The following CLOCK variants were observed in gnomAD, a reference collection of about 807,000 sequenced individuals.
The protein encoded by CLOCK is circadian locomoter output cycles protein kaput.
In CLOCK, 43 loss-of-function variants were observed where a neutral mutation model predicts 118.4. The observed-to-expected ratio is 0.36, with a 90% CI of 0.28 to 0.47. CLOCK has a LOEUF of 0.47. Ranked by LOEUF, CLOCK falls within the 20% of genes least tolerant of loss-of-function variation. The pLI, the probability that CLOCK is intolerant of heterozygous loss-of-function variation, is 1.00. For missense variants in CLOCK, 846 were observed against 999.9 expected, an observed-to-expected ratio of 0.85 and a Z score of 2.08; for synonymous variants, 326 against 339.2, an observed-to-expected ratio of 0.96 and a Z score of 0.43.
At chr4:55,459,612 C>T (rs886785955) in intron 9 of CLOCK, among the ~76,000 whole-genome samples, 2 of 152,104 alleles carry the variant, frequency 1.3e-5, no homozygotes, top group Non-Finnish European at 2.9e-5. Context: ...CTCTAGGACC[C>T]GGGCCACATC....
intron 1 of CLOCK, among the ~76,000 whole-genome samples, chr4:55,520,220 A>G (rs1306351250): frequency 6.6e-6 from 1 of 152,190 alleles, no homozygotes; most frequent in Admixed American, 6.5e-5. Flanking sequence ...AAGGCCACCA[A>G]CAAAAACAAC....
chr4:55,501,949 C>T (rs1443912826), intron 2 of CLOCK, among the ~76,000 whole-genome samples: 8 of 152,126 alleles, frequency 5.3e-5, no homozygotes, highest in African/African-American at 1.7e-4. Flanking sequence ...TTTGTATAAA[C>T]TACAAGGGCT....
intron 5 of CLOCK, 111 bp downstream of exon 5, chr4:55,479,529 T>G: frequency 1.1e-6 from 1 of 875,180 alleles, no homozygotes; most frequent in East Asian, 2.7e-5. Context: ...TGCTAATATA[T>G]CTAAACTCCT....
At chr4:55,532,868 C>CG (rs936962383) in intron 1 of CLOCK, among the ~76,000 whole-genome samples, 9 of 151,066 alleles carry the variant, frequency 6.0e-5, no homozygotes, top group Admixed American at 6.6e-5. Context: ...GGGGTCGGGT[C>CG]GGGGGGGTAG....
At chr4:55,484,193 T>G (rs922116255) in intron 3 of CLOCK, among the ~76,000 whole-genome samples, 1 of 151,840 alleles carries the variant, frequency 6.6e-6, no homozygotes, top group Non-Finnish European at 1.5e-5. Context: ...GAATATTTTT[T>G]TTTCTTTTTG....
At chr4:55,456,334 T>C (rs1316345527) in intron 11 of CLOCK, 34 bp from the exon 12 acceptor site, 1 of 1,340,084 alleles carries the variant, frequency 7.5e-7, no homozygotes, top group African/African-American at 1.5e-5. Context: ...ATAAATACTT[T>C]GTGTCCTTAA....
intron 2 of CLOCK, among the ~76,000 whole-genome samples, chr4:55,504,760 T>C (rs577570110): frequency 3.9e-5 from 6 of 152,328 alleles, no homozygotes; most frequent in African/African-American, 1.4e-4. Flanking sequence ...ATACTGCTAA[T>C]ATAAAGAGCT....
At chr4:55,486,542 A>G (rs889741072) in intron 3 of CLOCK, 2 of 152,120 alleles carry the variant, frequency 1.3e-5, no homozygotes, top group South Asian at 2.1e-4. Context: ...AATTCCTCCA[A>G]TAACTGCCTA....
At chr4:55,492,365 A>AAAAAAC (rs1553898600) in intron 2 of CLOCK, among the ~76,000 whole-genome samples, 2 of 151,824 alleles carry the variant, frequency 1.3e-5, no homozygotes, top group Non-Finnish European at 2.9e-5. Flanking sequence ...GATAAAAAAA[A>AAAAAAC]AAAACGCCAT....
At chr4:55,467,999 T>C (rs541546595) in intron 8 of CLOCK, among the ~76,000 whole-genome samples, 16 of 152,326 alleles carry the variant, frequency 1.1e-4, no homozygotes, top group African/African-American at 3.4e-4. Flanking sequence ...CTAAAATCCA[T>C]TGATTCTCTT....
At position 55,453,805 on chromosome 4, in the gene CLOCK, G is replaced by C. The variant is rs1724680873; in HGVS notation, c.1002C>G (p.Gly334=). 2 of 1,606,148 alleles carry C rather than the reference G, an allele frequency of 1.2e-6. No homozygotes were observed. The highest frequency in any genetic ancestry group is 1.1e-5 in the South Asian group (1 of 88,824). The change falls in exon 14 of 23, where the codon GGC becomes GGG. Residue 334 remains glycine (G), a synonymous_variant. Coordinates refer to ENST00000513440, the MANE Select transcript of CLOCK (RefSeq NM_004898.4). ...TCAGGAACCTATAATAACATGATTT[G>C]CCTTTCCCATATTGCATTACTAAAA... ...CHEHLMQYGK[G]KSCYYRFLTK...
chr4:55,442,307 G>A, intron 21 of CLOCK, 125 bp downstream of exon 21: 1 of 804,730 alleles, frequency 1.2e-6, no homozygotes, highest in Non-Finnish European at 2.0e-6. Flanking sequence ...TCAAATTTAA[G>A]AACATTGGCT....
At chr4:55,529,950 G>A (rs766411672) in intron 1 of CLOCK, among the ~76,000 whole-genome samples, 3 of 152,000 alleles carry the variant, frequency 2.0e-5, no homozygotes, top group Non-Finnish European at 2.9e-5. Flanking sequence ...TCAAAATACA[G>A]AATAAAAAAG....
intron 13 of CLOCK, among the ~76,000 whole-genome samples, chr4:55,454,377 A>G: frequency 6.6e-6 from 1 of 151,988 alleles, no homozygotes; most frequent in Non-Finnish European, 1.5e-5. Context: ...TACTTTAGGA[A>G]GCAGAGGTGG....
At chr4:55,493,795 T>A (rs762683367) in intron 2 of CLOCK, among the ~76,000 whole-genome samples, 25 of 152,240 alleles carry the variant, frequency 1.6e-4, no homozygotes, top group Admixed American at 3.9e-4. Context: ...CCTGTAAGAA[T>A]AAGAACCACA....
intron 8 of CLOCK, among the ~76,000 whole-genome samples, chr4:55,464,870 A>G (rs1473000470): frequency 6.6e-6 from 1 of 152,104 alleles, no homozygotes; most frequent in East Asian, 1.9e-4. Flanking sequence ...TATTCTTCAT[A>G]TAGGCCACAC....
chr4:55,477,985 T>C (rs781732484), intron 6 of CLOCK, among the ~76,000 whole-genome samples: 5 of 152,048 alleles, frequency 3.3e-5, no homozygotes, highest in Non-Finnish European at 7.4e-5. Context: ...TTAGTGAAAT[T>C]AACAAAAACA....
rs146317904 is a variant in CLOCK, at chr4:55,484,396, T to C, written c.-43-1568A>G. ...AGAAAATGAGTGACAGAGTCAAAGA[T>C]AGAAATAATAAAATAAAAAGGACTA... On this transcript the variant is annotated intron_variant, in intron 3 of 22. Transcript: ENST00000513440. Among the ~76,000 whole-genome samples, 5 of 152,078 alleles carry C rather than the reference T, an allele frequency of 3.3e-5. No homozygotes were observed. In the East Asian group the frequency reaches 9.7e-4, roughly 29 times the overall value.
intron 1 of CLOCK, among the ~76,000 whole-genome samples, chr4:55,526,968 A>G (rs1280915132): frequency 6.8e-6 from 1 of 146,882 alleles, no homozygotes; most frequent in African/African-American, 2.5e-5. Context: ...AAAAAGCTCT[A>G]AAAACTCCGT....
Sources: allele counts gnomAD v4.1 joint callset (sites outside exome capture counted in the v4.1 genomes callset), GRCh38; gene constraint gnomAD v4.1.1; transcripts MANE v1.5; gene names NCBI Gene and HGNC (gene_info 2026-07-23, HGNC 2026-07-21).